MROH1: variants seen among roughly 807,000 people sequenced by gnomAD.
The protein encoded by MROH1 is maestro heat-like repeat-containing protein family member 1.
MROH1 carries 117 observed loss-of-function variants against 116.5 expected under a neutral mutation model. The ratio of observed to expected loss-of-function variants is 1.00; its 90% confidence interval spans 0.86 to 1.17. The LOEUF is 1.17. MROH1 is among the 50% of genes most tolerant of loss of function. The probability of loss-of-function intolerance (pLI) is 0.00; values close to 1 mark genes in which losing one functional copy is unlikely to be tolerated. For missense variants in MROH1, 1,873 were observed against 1,338.5 expected, an observed-to-expected ratio of 1.40 and a Z score of -6.23; for synonymous variants, 921 against 583.9, an observed-to-expected ratio of 1.58 and a Z score of -8.32.
intron 12 of MROH1, among the ~76,000 whole-genome samples, chr8:144,212,651 G>T (rs2132151118): frequency 7.6e-6 from 1 of 132,120 alleles, no homozygotes; most frequent in Non-Finnish European, 1.5e-5. Flanking sequence ...GTGCAGTGGT[G>T]GGATCATGGC....
Position 144,182,317 on chromosome 8 carries a change from T to C in MROH1, c.562+1794T>C, listed in dbSNP as rs986568727. 1.3e-5 allele frequency among the ~76,000 whole-genome samples: 2 copies of C among 152,062 alleles called. No homozygotes were observed. Among genetic ancestry groups the C allele is most frequent in the African/African-American group, 4.8e-5 (2 of 41,318 alleles). ...CCCAGTGGTGGAGGCACGGCTGGCC[T>C]GGCCACGCCGTCCAGCAGGGCAGGC... On this transcript the variant is annotated intron_variant, in intron 7 of 43. Transcript: ENST00000326134. This position sits in a 1 kb window ranked among gnomAD's most constrained non-coding sequence, Gnocchi z 4.1.
intron 10 of MROH1, among the ~76,000 whole-genome samples, chr8:144,198,214 T>C (rs931981082): frequency 6.6e-6 from 1 of 152,162 alleles, no homozygotes; most frequent in Non-Finnish European, 1.5e-5. Context: ...TGTGGTTACC[T>C]CTTCTGGCTC....
chr8:144,240,834 G>A (rs904415278), intron 20 of MROH1, among the ~76,000 whole-genome samples, 157 bp downstream of exon 20: 3 of 152,216 alleles, frequency 2.0e-5, no homozygotes, highest in Admixed American at 1.3e-4. Flanking sequence ...AGAGCCCACC[G>A]GCCCCACCGC....
chr8:144,212,630 C>T (rs1176479931), intron 12 of MROH1, among the ~76,000 whole-genome samples: 1 of 125,482 alleles, frequency 8.0e-6, no homozygotes, highest in African/African-American at 3.1e-5. Flanking sequence ...TGCTTTGTTC[C>T]CCAGGCTGGA....
rs1366795712 is a variant in MROH1, at chr8:144,220,347, A to C, written c.1142-253A>C. 2.6e-5 allele frequency among the ~76,000 whole-genome samples: 4 copies of C among 152,202 alleles called. No individual in the cohort carries two copies. The East Asian group carries it at 5.8e-4, about 22-fold the overall frequency. ...TTCCCCGGCGTTGGAACCTGCGTGT[A>C]CCTGACTCAGGCCCATTCTTCTACG... On this transcript the variant is annotated intron_variant, in intron 12 of 43. Transcript: ENST00000326134.
intron 7 of MROH1, 51 bp from the exon 8 acceptor site, chr8:144,190,733 A>G (rs1828358688): frequency 1.9e-6 from 3 of 1,587,510 alleles, no homozygotes; most frequent in Non-Finnish European, 2.6e-6. Context: ...GGTGCTGAGG[A>G]TCGTCACAAA....
chr8:144,149,995 G>A (rs1360594202), intron 1 of MROH1, among the ~76,000 whole-genome samples: 1 of 152,054 alleles, frequency 6.6e-6, no homozygotes, highest in Non-Finnish European at 1.5e-5. Context: ...GCGTGGGTGG[G>A]GCATTCTGTG....
chr8:144,151,274 A>G (rs1216058609), intron 1 of MROH1, among the ~76,000 whole-genome samples: 1 of 148,426 alleles, frequency 6.7e-6, no homozygotes, highest in Non-Finnish European at 1.5e-5. Context: ...AAAAAAAAAA[A>G]CCTCCAAGAT....
intron 35 of MROH1, among the ~76,000 whole-genome samples, chr8:144,258,347 C>T (rs1445585624): frequency 3.9e-5 from 6 of 152,196 alleles, no homozygotes; most frequent in Non-Finnish European, 8.8e-5. Flanking sequence ...CAGGGGCCTG[C>T]TCGCCTCCCA....
chr8:144,231,338 G>A (rs922173513), intron 14 of MROH1, among the ~76,000 whole-genome samples: 4 of 152,074 alleles, frequency 2.6e-5, no homozygotes, highest in Admixed American at 6.5e-5. Flanking sequence ...CCTCCCAGAC[G>A]GGGTGGTGGC....
At chr8:144,177,265 T>A (rs932478261) in intron 4 of MROH1, among the ~76,000 whole-genome samples, 1 of 152,178 alleles carries the variant, frequency 6.6e-6, no homozygotes, top group Non-Finnish European at 1.5e-5. Flanking sequence ...ATTCTGAACA[T>A]GTATGCCACA....
chr8:144,159,383 T>C (rs1477438166), intron 1 of MROH1, among the ~76,000 whole-genome samples: 1 of 152,112 alleles, frequency 6.6e-6, no homozygotes. Context: ...GAGAGAGAAA[T>C]GTTGAAATCT....
chr8:144,166,499 G>T (rs1159637159), intron 3 of MROH1, among the ~76,000 whole-genome samples: 1 of 152,206 alleles, frequency 6.6e-6, no homozygotes. Flanking sequence ...GGCTGACTGT[G>T]TGCGGGGCCA....
At chr8:144,241,286 G>A in intron 21 of MROH1, 109 bp from the exon 22 acceptor site, 1 of 698,302 alleles carries the variant, frequency 1.4e-6, no homozygotes, top group Non-Finnish European at 2.7e-6. Flanking sequence ...GTGTGCAAGT[G>A]TGCGCATGTG....
chr8:144,259,095 A>C, intron 36 of MROH1, 145 bp from the exon 37 acceptor site: 1 of 677,184 alleles, frequency 1.5e-6, no homozygotes, highest in East Asian at 2.7e-5. Context: ...CTGGCGAGGC[A>C]AGCTGGGAGG....
chr8:144,179,220 C>T (rs983850039), intron 4 of MROH1, among the ~76,000 whole-genome samples: 10 of 152,094 alleles, frequency 6.6e-5, no homozygotes, highest in African/African-American at 2.4e-4. Flanking sequence ...GCCTCGCCCT[C>T]TGCATGTTGG....
intron 5 of MROH1, among the ~76,000 whole-genome samples, 192 bp from the exon 6 acceptor site, chr8:144,179,964 AGCAGCCCCTCACCTCTCACCAG>A (rs1564408552): frequency 7.8e-5 from 1 of 12,812 alleles, no homozygotes; most frequent in East Asian, 0.029. Flanking sequence ...GGGTCTCCTC[AGCAGCCCCTCACCTCTCACCAG>A]GGCTCTGCTG....
chr8:144,245,518 C>T (rs979876388), intron 29 of MROH1, among the ~76,000 whole-genome samples: 7 of 152,188 alleles, frequency 4.6e-5, no homozygotes, highest in African/African-American at 9.7e-5. Flanking sequence ...CTGTTGAGCG[C>T]GGTGCTTGAT....
intron 12 of MROH1, among the ~76,000 whole-genome samples, chr8:144,202,405 G>A (rs1389498454): frequency 3.3e-5 from 5 of 150,314 alleles, no homozygotes; most frequent in Non-Finnish European, 7.4e-5. Context: ...GGAAAGGAAG[G>A]GAGCACCAGC....
Sources: allele counts gnomAD v4.1 joint callset (sites outside exome capture counted in the v4.1 genomes callset), GRCh38; gene constraint gnomAD v4.1.1; non-coding constraint Gnocchi (gnomAD v3.1); transcripts MANE v1.5; gene names NCBI Gene and HGNC (gene_info 2026-07-23, HGNC 2026-07-21).